Variants in SCAF4 observed in about 807,000 individuals in gnomAD.
SCAF4 encodes the protein SR-related CTD associated factor 4.
SCAF4 carries 25 observed loss-of-function variants against 129.8 expected under a neutral mutation model. The observed-to-expected ratio is 0.19, with a 90% CI of 0.14 to 0.27. The LOEUF is 0.27. Among genes scored for constraint, SCAF4 ranks in the 10% least tolerant of loss-of-function variants. SCAF4 has a pLI of 1.00. For missense variants in SCAF4, 1,246 were observed against 1,457.1 expected (o/e 0.86, Z 2.36); for synonymous variants, 551 against 497.7 (o/e 1.11, Z -1.43).
intron 19 of SCAF4, among the ~76,000 whole-genome samples, chr21:31,676,619 T>C (rs745705475): frequency 5.3e-5 from 8 of 152,244 alleles, no homozygotes; most frequent in Non-Finnish European, 1.0e-4. Context: ...CACATTCTCA[T>C]GTCCTGGATG....
chr21:31,684,475 C>A, intron 19 of SCAF4: 1 of 153,174 alleles, frequency 6.5e-6, no homozygotes, highest in Non-Finnish European at 1.5e-5. Flanking sequence ...CAGATAAACT[C>A]CAGCCAAGTA....
At chr21:31,676,278 A>C (rs2049853360) in intron 19 of SCAF4, among the ~76,000 whole-genome samples, 1 of 152,050 alleles carries the variant, frequency 6.6e-6, no homozygotes, top group Non-Finnish European at 1.5e-5. Context: ...CCAAATTCCC[A>C]ATTTCAAGTA....
intron 1 of SCAF4, among the ~76,000 whole-genome samples, chr21:31,716,620 T>C (rs2050926463): frequency 6.6e-6 from 1 of 152,126 alleles, no homozygotes; most frequent in Admixed American, 6.5e-5. Flanking sequence ...TAAACAAGTT[T>C]TAAAATCATC....
At chr21:31,708,381 A>T (rs190986528) in intron 1 of SCAF4, among the ~76,000 whole-genome samples, 1 of 144,930 alleles carries the variant, frequency 6.9e-6, no homozygotes, top group Non-Finnish European at 1.5e-5. Flanking sequence ...CTCTGTCTTT[A>T]AAAAAAAAAA....
chr21:31,671,033 T>C lies in SCAF4; in HGVS notation c.*366A>G, dbSNP rs1363584709. 5.3e-6 allele frequency: 1 copy of C among 188,796 alleles called. No individual in the cohort carries two copies. Among genetic ancestry groups the C allele is most frequent in the African/African-American group, 2.4e-5 (1 of 42,208 alleles). 11.7% of individuals were successfully genotyped at this position (188,796 alleles called of 1,614,324 possible). Reference sequence around the variant, plus strand: ...GTAGGAAGAATAGCACACATTAAAGTTTGTTACGAAAATAGAGTTTATTAA... The same window carrying C: ...GTAGGAAGAATAGCACACATTAAAGCTTGTTACGAAAATAGAGTTTATTAA... On this transcript the variant is annotated 3_prime_UTR_variant, in exon 20 of 20. Coordinates refer to ENST00000286835, the MANE Select transcript of SCAF4 (RefSeq NM_020706.2).
At chr21:31,713,401 T>A (rs1444388121) in intron 1 of SCAF4, among the ~76,000 whole-genome samples, 1 of 152,110 alleles carries the variant, frequency 6.6e-6, no homozygotes, top group Non-Finnish European at 1.5e-5. Context: ...GTCTAAGAAT[T>A]AAATACAAAC....
At chr21:31,701,221 T>C in intron 6 of SCAF4, 50 bp from the exon 7 acceptor site, 1 of 1,426,502 alleles carries the variant, frequency 7.0e-7, no homozygotes, top group Non-Finnish European at 9.4e-7. Flanking sequence ...ATAATCATAC[T>C]ATCAAAAGTT....
At chr21:31,706,868 C>A in intron 1 of SCAF4, 1 of 271,568 alleles carries the variant, frequency 3.7e-6, no homozygotes, top group South Asian at 4.3e-5. Context: ...CAAGTCTACT[C>A]AGTACATACC....
At chr21:31,730,332 G>A (rs917805127) in intron 1 of SCAF4, among the ~76,000 whole-genome samples, 5 of 152,116 alleles carry the variant, frequency 3.3e-5, no homozygotes, top group African/African-American at 1.2e-4. Context: ...CATCACAACT[G>A]AACTTTTACA....
At position 31,731,660 on chromosome 21, in the gene SCAF4, T is replaced by C. The variant is rs764206694; in HGVS notation, c.30+3A>G. 3.2e-6 allele frequency: 5 copies of C among 1,586,762 alleles called. No homozygotes were observed. The African/African-American group carries it at 4.2e-5, about 13-fold the overall frequency. Reference sequence around the variant, plus strand: ...GCACCCCCCTGCCCCAAACACCCCTTACCTCCTGGTTGAAGGCGTTGACGG... The same window carrying C: ...GCACCCCCCTGCCCCAAACACCCCTCACCTCCTGGTTGAAGGCGTTGACGG... On this transcript the variant is annotated splice_donor_region_variant and intron_variant, in intron 1 of 19. Coordinates refer to ENST00000286835, the MANE Select transcript of SCAF4 (RefSeq NM_020706.2).
rs144042295 is a variant in SCAF4, at chr21:31,699,972, T to C, written c.777+1023A>G. Among the ~76,000 whole-genome samples the C allele has an allele frequency of 3.9e-5, 6 of 152,144 alleles. No homozygotes were observed. In the East Asian group the frequency reaches 1.2e-3, roughly 29 times the overall value. Reference sequence around the variant, plus strand: ...CTAACTCAAATCCTCTTTTTTGTTGTTGCTTGTTTTTTAGAGACAGGATCT... The same window carrying C: ...CTAACTCAAATCCTCTTTTTTGTTGCTGCTTGTTTTTTAGAGACAGGATCT... On this transcript the variant is annotated intron_variant, in intron 7 of 19. Transcript: ENST00000286835.
intron 1 of SCAF4, among the ~76,000 whole-genome samples, chr21:31,707,837 C>G (rs755276470): frequency 2.6e-5 from 4 of 152,130 alleles, no homozygotes; most frequent in Non-Finnish European, 4.4e-5. Flanking sequence ...CTACAGACAT[C>G]AGTAACAATT....
Position 31,731,699 on chromosome 21 carries a change from G to C in SCAF4, c.-7C>G. 6.3e-7 allele frequency: 1 copy of C among 1,581,466 alleles called. No individual in the cohort carries two copies. Among genetic ancestry groups the C allele is most frequent in the Non-Finnish European group, 8.5e-7 (1 of 1,169,806 alleles). On this transcript the variant is annotated 5_prime_UTR_variant, in exon 1 of 20. Transcript: ENST00000286835. ...AGGCGTTGACGGCGTCCATGTTCGC[G>C]CTGCGGCGGCGGCTGCTCCGGGCCC... is the stretch of plus-strand genomic sequence containing the variant.
chr21:31,700,964 TGGTGG>T (rs1443360426), intron 7 of SCAF4, 26 bp downstream of exon 7: 63 of 1,602,298 alleles, frequency 3.9e-5, no homozygotes, highest in Non-Finnish European at 5.3e-5. Context: ...GTGATATAAA[TGGTGG>T]GGTGGGTTAT....
intron 13 of SCAF4, chr21:31,692,140 T>C: frequency 3.4e-6 from 2 of 591,102 alleles, no homozygotes; most frequent in Non-Finnish European, 6.0e-6. Context: ...ATGTTTGAAA[T>C]TAAACTTGGT....
chr21:31,715,834 A>G (rs1333842889), intron 1 of SCAF4, among the ~76,000 whole-genome samples: 5 of 152,134 alleles, frequency 3.3e-5, no homozygotes, highest in Non-Finnish European at 7.4e-5. Flanking sequence ...TCCTGCCCAT[A>G]TTTTTCTAAT....
At position 31,731,785 on chromosome 21, in the gene SCAF4, G is replaced by A. The variant is rs2051368095; in HGVS notation, c.-93C>T. ...GGCTGGGAAACCAGCCGGGCCTGGT[G>A]GCCGGGGGGAGGCGACGAGCGGCGG... On this transcript the variant is annotated 5_prime_UTR_variant, in exon 1 of 20. Coordinates refer to ENST00000286835, the MANE Select transcript of SCAF4 (RefSeq NM_020706.2). 1.0e-5 allele frequency: 14 copies of A among 1,404,434 alleles called. No individual in the cohort carries two copies. The highest frequency in any genetic ancestry group is 2.9e-5 in the Admixed American group (1 of 34,842). The allele number at this position is 1,404,434 out of a possible 1,614,324, so 87.0% of individuals were successfully genotyped here. A position where few individuals can be genotyped will look rare whatever the true frequency, so the allele number is the denominator to read the frequency against.
chr21:31,693,204 C>T, intron 12 of SCAF4, 90 bp downstream of exon 12: 1 of 945,844 alleles, frequency 1.1e-6, no homozygotes. Flanking sequence ...GGTAACATTT[C>T]TTTTATAGTT....
At chr21:31,712,375 A>C (rs1333157913) in intron 1 of SCAF4, among the ~76,000 whole-genome samples, 1 of 149,578 alleles carries the variant, frequency 6.7e-6, no homozygotes. Context: ...GCACCACCAC[A>C]CCCAGCAAAT....
Sources: gnomAD v4.1 joint callset for allele counts (sites outside exome capture counted in the v4.1 genomes callset) on GRCh38, gnomAD v4.1.1 for gene constraint, MANE v1.5 for transcripts, NCBI Gene and HGNC (gene_info 2026-07-23, HGNC 2026-07-21) for gene names.